The following THSD7A variants were observed in gnomAD, a reference collection of about 807,000 sequenced individuals.
THSD7A encodes the protein thrombospondin type-1 domain-containing protein 7A.
A neutral mutation model predicts 231.3 loss-of-function variants in THSD7A; 96 were observed. That is an observed-to-expected ratio of 0.41 (90% CI 0.35 to 0.49). THSD7A has a LOEUF of 0.49. Ranked by LOEUF, THSD7A falls within the 20% of genes least tolerant of loss-of-function variation. The pLI is 0.05. For missense variants in THSD7A, 2,290 were observed against 2,070.2 expected (o/e 1.11, Z -2.06); for synonymous variants, 940 against 743.3 (o/e 1.26, Z -4.30).
intron 1 of THSD7A, among the ~76,000 whole-genome samples, chr7:11,771,042 T>TGA: frequency 6.6e-6 from 1 of 151,226 alleles, no homozygotes; most frequent in Non-Finnish European, 1.5e-5. Flanking sequence ...TCATACATTC[T>TGA]TTCTTTAAAA....
In THSD7A at chr7:11,738,532, A is replaced by T. The variant is rs753854184; in HGVS notation, c.190+93225T>A. Among the ~76,000 whole-genome samples, 112 of 151,996 alleles carry T rather than the reference A, an allele frequency of 7.4e-4. 1 individual carries two copies. The highest frequency in any genetic ancestry group is 4.6e-4 in the Admixed American group (7 of 15,220). On this transcript the variant is annotated intron_variant, in intron 1 of 27. Coordinates refer to ENST00000423059, the MANE Select transcript of THSD7A (RefSeq NM_015204.3). ...AGTTGTTAACCATGTTAAGTTTTGG[A>T]ATTCTCCACTTACTAGCTTAAAGTT... is the stretch of plus-strand genomic sequence containing the variant.
chr7:11,564,786 A>G (rs1790234077), intron 4 of THSD7A, among the ~76,000 whole-genome samples: 1 of 152,224 alleles, frequency 6.6e-6, no homozygotes, highest in Non-Finnish European at 1.5e-5. Flanking sequence ...TGACTCAAAT[A>G]AAATACAACT....
intron 6 of THSD7A, among the ~76,000 whole-genome samples, chr7:11,541,056 C>A (rs762060810): frequency 3.9e-5 from 6 of 152,128 alleles, no homozygotes; most frequent in Non-Finnish European, 8.8e-5. Flanking sequence ...ATTTCATTTT[C>A]TATAACACTG....
Position 11,632,815 on chromosome 7 carries a change from G to A in THSD7A, c.1022+3315C>T, listed in dbSNP as rs980792927. ...CAGAATATTAGTCTTGTACAATTTC[G>A]ATGTGTGAATCAAGGTCTTCTTTTA... On this transcript the variant is annotated intron_variant, in intron 2 of 27. Coordinates refer to ENST00000423059, the MANE Select transcript of THSD7A (RefSeq NM_015204.3). The surrounding 1 kb of genome is among the most constrained non-coding windows in gnomAD (Gnocchi z 4.1). Among the ~76,000 whole-genome samples, 4 of 152,060 alleles carry A rather than the reference G, an allele frequency of 2.6e-5. No homozygotes were observed. Among genetic ancestry groups the A allele is most frequent in the Non-Finnish European group, 4.4e-5 (3 of 68,000 alleles).
Position 11,581,216 on chromosome 7 carries a change from A to T in THSD7A, c.1453+9244T>A, listed in dbSNP as rs981794616. Among the ~76,000 whole-genome samples the T allele has an allele frequency of 1.4e-4, 22 of 152,078 alleles. 1 individual carries two copies. Among genetic ancestry groups the T allele is most frequent in the Non-Finnish European group, 1.5e-5 (1 of 67,978 alleles). Reference sequence around the variant, plus strand: ...TATTATCATTATCATCATTGTTATTACTACTTTTTAATAGTGGGCATTTGG... The same window carrying T: ...TATTATCATTATCATCATTGTTATTTCTACTTTTTAATAGTGGGCATTTGG... On this transcript the variant is annotated intron_variant, in intron 4 of 27. Transcript: ENST00000423059.
In THSD7A at chr7:11,370,958, G is replaced by C. The variant is rs1483135395; in HGVS notation, c.*4836C>G. 1 of 152,044 alleles carries C rather than the reference G, an allele frequency of 6.6e-6. No homozygotes were observed. Among genetic ancestry groups the C allele is most frequent in the Non-Finnish European group, 1.5e-5 (1 of 67,996 alleles). The allele number at this position is 152,044 out of a possible 1,614,324, so 9.4% of individuals were successfully genotyped here. A position where few individuals can be genotyped will look rare whatever the true frequency, so the allele number is the denominator to read the frequency against. ...AAGTTTACTTGAGGGTTAAAAGTAG[G>C]TAATCTAGAAACTATGGCTTAAAAA... On this transcript the variant is annotated 3_prime_UTR_variant, in exon 28 of 28. Coordinates refer to ENST00000423059, the MANE Select transcript of THSD7A (RefSeq NM_015204.3).
At chr7:11,447,006 C>T (rs1412099623) in intron 12 of THSD7A, among the ~76,000 whole-genome samples, 1 of 152,092 alleles carries the variant, frequency 6.6e-6, no homozygotes, top group Non-Finnish European at 1.5e-5. Flanking sequence ...AGAAAATAAT[C>T]CACTGCATAT....
At chr7:11,811,734 G>T (rs527978148) in intron 1 of THSD7A, among the ~76,000 whole-genome samples, 2 of 152,124 alleles carry the variant, frequency 1.3e-5, no homozygotes, top group Non-Finnish European at 2.9e-5. Context: ...ATCCCATACA[G>T]CAGTGCACAC....
At chr7:11,461,691 C>T (rs560028073) in intron 10 of THSD7A, among the ~76,000 whole-genome samples, 1 of 152,150 alleles carries the variant, frequency 6.6e-6, no homozygotes, top group African/African-American at 2.4e-5. Context: ...GAATTTCTTC[C>T]TAAAGTATAC....
intron 4 of THSD7A, among the ~76,000 whole-genome samples, chr7:11,545,427 G>T (rs1789339754): frequency 6.6e-6 from 1 of 152,142 alleles, no homozygotes; most frequent in Admixed American, 6.5e-5. Context: ...AAGAAAACAG[G>T]TTAAGCAAGA....
intron 25 of THSD7A, 124 bp from the exon 26 acceptor site, chr7:11,379,404 A>C (rs970362186): frequency 2.1e-6 from 2 of 975,498 alleles, no homozygotes; most frequent in African/African-American, 1.6e-5. Context: ...TAATTCCTCT[A>C]TTATTTTTAA....
At chr7:11,541,392 A>C (rs1475136357) in intron 6 of THSD7A, 27 bp downstream of exon 6, 5 of 1,610,256 alleles carry the variant, frequency 3.1e-6, no homozygotes, top group East Asian at 2.2e-5. Flanking sequence ...GACATCCATA[A>C]AAACATAATA....
At chr7:11,732,698 A>G (rs1781778008) in intron 1 of THSD7A, among the ~76,000 whole-genome samples, 1 of 151,854 alleles carries the variant, frequency 6.6e-6, no homozygotes, top group South Asian at 2.1e-4. Context: ...AGAGTTAATT[A>G]TCTTTACAGC....
intron 13 of THSD7A, among the ~76,000 whole-genome samples, chr7:11,440,075 T>C (rs1784755502): frequency 6.6e-6 from 1 of 151,998 alleles, no homozygotes. Flanking sequence ...CAATGCCCAT[T>C]TACCATTCTG....
At chr7:11,791,245 G>A (rs946652165) in intron 1 of THSD7A, among the ~76,000 whole-genome samples, 1 of 151,948 alleles carries the variant, frequency 6.6e-6, no homozygotes, top group African/African-American at 2.4e-5. Context: ...ACACATTTCA[G>A]CTGCTTGCTC....
chr7:11,550,801 T>C (rs956239527), intron 4 of THSD7A, among the ~76,000 whole-genome samples: 1 of 152,126 alleles, frequency 6.6e-6, no homozygotes. Flanking sequence ...CCAGTTCTAT[T>C]CCTATCAAAC....
intron 6 of THSD7A, among the ~76,000 whole-genome samples, chr7:11,510,798 A>G (rs948251585): frequency 2.6e-5 from 4 of 152,142 alleles, no homozygotes; most frequent in African/African-American, 9.7e-5. Context: ...GCTATTTATG[A>G]CAGACCCACA....
chr7:11,720,477 C>T (rs1408942698), intron 1 of THSD7A, among the ~76,000 whole-genome samples: 1 of 151,714 alleles, frequency 6.6e-6, no homozygotes, highest in Non-Finnish European at 1.5e-5. Flanking sequence ...TGGCTCCTTT[C>T]CATCAGCCTT....
chr7:11,670,411 G>C (rs961665051), intron 1 of THSD7A, among the ~76,000 whole-genome samples: 2 of 152,204 alleles, frequency 1.3e-5, no homozygotes, highest in African/African-American at 4.8e-5. Context: ...CACACAATCT[G>C]GTTGGAGCCC....
Sources: gnomAD v4.1 joint callset for allele counts (sites outside exome capture counted in the v4.1 genomes callset) on GRCh38, gnomAD v4.1.1 for gene constraint, Gnocchi (gnomAD v3.1) non-coding constraint, MANE v1.5 for transcripts, NCBI Gene and HGNC (gene_info 2026-07-23, HGNC 2026-07-21) for gene names.